The following ANK3 variants were observed in gnomAD, a reference collection of about 807,000 sequenced individuals.
ANK3 encodes ankyrin 3.
Under a neutral mutation model 370.9 loss-of-function variants are expected in ANK3, and 57 were observed. The ratio of observed to expected loss-of-function variants is 0.15; its 90% CI spans 0.12 to 0.19. The LOEUF is 0.19. ANK3 is among the 10% of genes least tolerant of loss of function. The pLI is 1.00. For synonymous variants in ANK3, 1,929 were observed against 1,946.3 expected, an observed-to-expected ratio of 0.99 and a Z score of 0.23; for missense variants, 4,439 against 5,302.1, an observed-to-expected ratio of 0.84 and a Z score of 5.06.
At chr10:60,465,785 CT>C (rs1409653171) in intron 2 of ANK3, among the ~76,000 whole-genome samples, 4 of 119,410 alleles carry the variant, frequency 3.3e-5, no homozygotes, top group African/African-American at 1.2e-4. Flanking sequence ...TCTTTTTTTT[CT>C]TTCTTTTTTT....
At chr10:60,683,299 C>T (rs543641256) in intron 1 of ANK3, among the ~76,000 whole-genome samples, 2 of 152,268 alleles carry the variant, frequency 1.3e-5, no homozygotes, top group East Asian at 3.9e-4. Flanking sequence ...AGAAATTATT[C>T]AATAAGTGCT....
chr10:60,418,922 C>G (rs2063723983), intron 2 of ANK3, among the ~76,000 whole-genome samples: 1 of 152,048 alleles, frequency 6.6e-6, no homozygotes. Context: ...GATTCTAAAT[C>G]TATATTCTTT....
chr10:60,270,179 A>G lies in ANK3; in HGVS notation c.465T>C (p.Val155=). Residue 155 remains valine, a synonymous_variant, in exon 5 of 44, where the codon GTT becomes GTC. Transcript: ENST00000280772. ...CACCATTGTCAAGAAGAAACTTGAC[A>G]ACTTCCAGGTGATTTTCCTGGGCTG... ...YMAAQENHLE[V]VKFLLDNGAS... 1 of 1,602,498 alleles carries G rather than the reference A, an allele frequency of 6.2e-7. No individual in the cohort carries two copies. The highest frequency in any genetic ancestry group is 8.5e-7 in the Non-Finnish European group (1 of 1,173,264).
chr10:60,680,236 G>T (rs1440392887), intron 1 of ANK3, among the ~76,000 whole-genome samples: 3 of 152,062 alleles, frequency 2.0e-5, no homozygotes, highest in Non-Finnish European at 2.9e-5. Context: ...AAGCCCCTCA[G>T]TTGAATTACT....
chr10:60,064,438 T>C, intron 38 of ANK3, 150 bp from the exon 39 acceptor site: 1 of 776,930 alleles, frequency 1.3e-6, no homozygotes, highest in South Asian at 1.9e-5. Context: ...TATACTTGGC[T>C]TCATAGCAAA....
intron 2 of ANK3, among the ~76,000 whole-genome samples, chr10:60,435,745 A>G (rs1194847069): frequency 1.3e-5 from 2 of 152,254 alleles, no homozygotes; most frequent in African/African-American, 2.4e-5. Context: ...GACATTTCAT[A>G]TAAATGTGAA....
chr10:60,199,474 T>C (rs562675966), intron 13 of ANK3, among the ~76,000 whole-genome samples: 2 of 152,290 alleles, frequency 1.3e-5, no homozygotes, highest in Admixed American at 1.3e-4. Flanking sequence ...AAATCTCACA[T>C]ACTGCTACTA....
chr10:60,675,833 G>A (rs2133385561), intron 1 of ANK3, among the ~76,000 whole-genome samples: 1 of 152,082 alleles, frequency 6.6e-6, no homozygotes, highest in Admixed American at 6.5e-5. Context: ...AAATAAAAAA[G>A]ATATGCAAAG....
At chr10:60,416,962 A>G (rs1016057501) in intron 2 of ANK3, among the ~76,000 whole-genome samples, 13 of 152,174 alleles carry the variant, frequency 8.5e-5, no homozygotes, top group Middle Eastern at 3.2e-3. Context: ...AAATTGTACC[A>G]AGAATAAACT....
At chr10:60,183,946 T>TA (rs2096264141) in intron 17 of ANK3, among the ~76,000 whole-genome samples, 1 of 151,592 alleles carries the variant, frequency 6.6e-6, no homozygotes, top group African/African-American at 2.4e-5. Flanking sequence ...TTCAGTTGTA[T>TA]AAAAAATATA....
At chr10:60,567,266 C>T (rs1362254048) in intron 2 of ANK3, among the ~76,000 whole-genome samples, 3 of 152,136 alleles carry the variant, frequency 2.0e-5, no homozygotes, top group Non-Finnish European at 2.9e-5. Context: ...TTGTTAGGTG[C>T]TAATGTAGCT....
intron 1 of ANK3, among the ~76,000 whole-genome samples, chr10:60,309,773 A>G (rs2045932680): frequency 6.6e-6 from 1 of 152,348 alleles, no homozygotes; most frequent in East Asian, 1.9e-4. Context: ...AAGCATCAGA[A>G]AAAACAAACA....
At chr10:60,352,258 T>C (rs1028983783) in intron 1 of ANK3, among the ~76,000 whole-genome samples, 3 of 152,298 alleles carry the variant, frequency 2.0e-5, no homozygotes, top group Admixed American at 6.5e-5. Context: ...ATCACGCCAC[T>C]GTACTCCATC....
intron 25 of ANK3, among the ~76,000 whole-genome samples, chr10:60,127,967 A>G (rs889366937): frequency 1.1e-4 from 16 of 151,818 alleles, no homozygotes; most frequent in South Asian, 4.2e-4. Context: ...AAAGTGCTGG[A>G]ATTACAGATG....
At chr10:60,323,610 T>C (rs2132902997) in intron 1 of ANK3, among the ~76,000 whole-genome samples, 1 of 152,236 alleles carries the variant, frequency 6.6e-6, no homozygotes. Flanking sequence ...TAGTTATCAA[T>C]ATATTGCCAG....
In ANK3 at chr10:60,027,283, A is replaced by G. The variant is rs1222344885; in HGVS notation, c.*2563T>C. ...TGGCTTTACAGAGAGGCATTTTGGG[A>G]AAGTTTTTTTTTTTTTTTTTTTTTA... is the stretch of plus-strand genomic sequence containing the variant. On this transcript the variant is annotated 3_prime_UTR_variant, in exon 44 of 44. Coordinates refer to ENST00000280772, the MANE Select transcript of ANK3 (RefSeq NM_020987.5). The G allele has an allele frequency of 8.0e-6, 1 of 124,870 alleles. No homozygotes were observed. Among genetic ancestry groups the G allele is most frequent in the African/African-American group, 2.9e-5 (1 of 34,056 alleles). 7.7% of individuals were successfully genotyped at this position (124,870 alleles called of 1,614,324 possible).
At chr10:60,723,501 A>G (rs115831361) in intron 1 of ANK3, among the ~76,000 whole-genome samples, 1,813 of 152,292 alleles carry the variant, frequency 0.012, 37 homozygotes, top group African/African-American at 0.041. Context: ...TGCCACTCAT[A>G]AACAGGTGGA....
intron 1 of ANK3, among the ~76,000 whole-genome samples, chr10:60,725,820 A>G (rs947688886): frequency 3.3e-5 from 5 of 152,186 alleles, no homozygotes; most frequent in African/African-American, 4.8e-5. Context: ...AAGAAAGGAG[A>G]TAAGTGAATG....
At chr10:60,345,496 T>C (rs1440992965) in intron 1 of ANK3, among the ~76,000 whole-genome samples, 1 of 152,204 alleles carries the variant, frequency 6.6e-6, no homozygotes, top group Non-Finnish European at 1.5e-5. Context: ...TTTCTTCAGA[T>C]AGATTCTCAG....
Sources: gnomAD v4.1 joint callset for allele counts (sites outside exome capture counted in the v4.1 genomes callset) on GRCh38, gnomAD v4.1.1 for gene constraint, MANE v1.5 for transcripts, NCBI Gene and HGNC (gene_info 2026-07-23, HGNC 2026-07-21) for gene names.